The following LRMDA variants were observed in gnomAD, a reference collection of about 807,000 sequenced individuals.
LRMDA encodes the protein leucine rich melanocyte differentiation associated.
In LRMDA, 18 loss-of-function variants were observed where a neutral mutation model predicts 29.8. The ratio of observed to expected loss-of-function variants is 0.60; its 90% CI spans 0.42 to 0.90. LRMDA has a LOEUF of 0.90. LRMDA is among the 40% of genes least tolerant of loss of function. LRMDA has a pLI of 0.00. For synonymous variants in LRMDA, 125 were observed against 109.4 expected (o/e 1.14, Z -0.89); for missense variants, 273 against 273.9 (o/e 1.00, Z 0.02).
At chr10:76,403,696 A>G (rs544749711) in intron 6 of LRMDA, among the ~76,000 whole-genome samples, 1 of 152,256 alleles carries the variant, frequency 6.6e-6, no homozygotes, top group South Asian at 2.1e-4. Context: ...CTGTCAGCCA[A>G]GTAATTAAAG....
intron 2 of LRMDA, among the ~76,000 whole-genome samples, chr10:75,695,442 A>T (rs945618089): frequency 6.6e-6 from 1 of 151,582 alleles, no homozygotes; most frequent in African/African-American, 2.4e-5. Context: ...TTGCTTCTGC[A>T]TTTCTGTTGC....
intron 2 of LRMDA, among the ~76,000 whole-genome samples, chr10:75,534,884 A>G (rs780408278): frequency 1.3e-5 from 2 of 152,164 alleles, no homozygotes; most frequent in Non-Finnish European, 2.9e-5. Context: ...GGTCAGATTC[A>G]GGGGAAAGTC....
chr10:76,320,849 A>G (rs1840762349), intron 5 of LRMDA, among the ~76,000 whole-genome samples: 1 of 152,218 alleles, frequency 6.6e-6, no homozygotes, highest in Non-Finnish European at 1.5e-5. Context: ...AAACATTTTC[A>G]TGAATTTAGT....
chr10:75,750,753 C>A (rs1336207071), intron 2 of LRMDA, among the ~76,000 whole-genome samples: 2 of 127,152 alleles, frequency 1.6e-5, no homozygotes, highest in Non-Finnish European at 3.3e-5. Context: ...ACATCCCAGA[C>A]GATGGGCGGC....
At chr10:75,686,794 C>T (rs1016021151) in intron 2 of LRMDA, among the ~76,000 whole-genome samples, 26 of 152,162 alleles carry the variant, frequency 1.7e-4, no homozygotes, top group African/African-American at 5.3e-4. Context: ...GAAGGTTTGT[C>T]GCAACCCTGT....
At chr10:75,484,679 T>C (rs1026137814) in intron 2 of LRMDA, among the ~76,000 whole-genome samples, 2 of 152,180 alleles carry the variant, frequency 1.3e-5, no homozygotes, top group African/African-American at 4.8e-5. Context: ...CTTAATCCAA[T>C]AGGACTAGTG....
intron 2 of LRMDA, among the ~76,000 whole-genome samples, chr10:76,013,192 T>A (rs1320519692): frequency 6.6e-6 from 1 of 152,082 alleles, no homozygotes; most frequent in Non-Finnish European, 1.5e-5. Flanking sequence ...AGGGGGGTGG[T>A]AATGGGACCC....
chr10:76,088,678 A>C (rs1468856259), intron 5 of LRMDA, among the ~76,000 whole-genome samples: 1 of 152,184 alleles, frequency 6.6e-6, no homozygotes, highest in Non-Finnish European at 1.5e-5. Flanking sequence ...GGGTTTACTT[A>C]AACCTTTTTG....
chr10:76,227,025 A>G (rs527711235), intron 5 of LRMDA, among the ~76,000 whole-genome samples: 6 of 152,360 alleles, frequency 3.9e-5, no homozygotes, highest in African/African-American at 1.4e-4. Flanking sequence ...AGAAAAAAAT[A>G]TTATGGAAAG....
At chr10:76,176,207 CA>C (rs1344301852) in intron 5 of LRMDA, among the ~76,000 whole-genome samples, 1 of 152,192 alleles carries the variant, frequency 6.6e-6, no homozygotes, top group African/African-American at 2.4e-5. Context: ...AGGCAGCTCA[CA>C]TGACACTTTT....
intron 2 of LRMDA, among the ~76,000 whole-genome samples, chr10:75,996,313 A>C (rs879375563): frequency 6.6e-6 from 1 of 152,224 alleles, no homozygotes; most frequent in African/African-American, 2.4e-5. Context: ...ATCTAGGTTC[A>C]TGGGGAGTTT....
chr10:76,208,144 G>A (rs528840196), intron 5 of LRMDA, among the ~76,000 whole-genome samples: 21 of 152,048 alleles, frequency 1.4e-4, no homozygotes, highest in African/African-American at 3.9e-4. Context: ...ATAAACCAAC[G>A]AACTATGGGT....
chr10:76,047,215 C>A lies in LRMDA; in HGVS notation c.310C>A (p.Leu104Met), dbSNP rs768692675. The stretch of plus-strand genomic sequence containing the variant: ...TCACTTGGCAGAAGTGACACCAGCT[C>A]TGGAGTACCTCAGTCTGCTGGGCAA... ...LDHLAEVTPA[L>M]EYLSLLGNVA... The change falls in exon 4 of 7, where the codon CTG becomes ATG. Residue 104 changes from leucine to methionine, a missense_variant. Physicochemically the swap from Leu to Met is conservative, Grantham distance 15. Transcript: ENST00000611255. 4.3e-6 allele frequency: 7 copies of A among 1,614,064 alleles called. No homozygotes were observed. The highest frequency in any genetic ancestry group is 5.9e-6 in the Non-Finnish European group (7 of 1,179,990).
At chr10:76,202,775 G>A (rs568522448) in intron 5 of LRMDA, among the ~76,000 whole-genome samples, 8 of 151,796 alleles carry the variant, frequency 5.3e-5, no homozygotes, top group East Asian at 3.9e-4. Flanking sequence ...AGGAAGGAGC[G>A]GACACTAGAT....
At chr10:76,332,432 TG>T (rs1233764982) in intron 6 of LRMDA, among the ~76,000 whole-genome samples, 1 of 152,194 alleles carries the variant, frequency 6.6e-6, no homozygotes, top group Non-Finnish European at 1.5e-5. Context: ...GTGGTATACT[TG>T]TAGACAGAGA....
intron 5 of LRMDA, among the ~76,000 whole-genome samples, chr10:76,071,813 T>G (rs547549538): frequency 6.6e-6 from 1 of 152,240 alleles, no homozygotes; most frequent in Non-Finnish European, 1.5e-5. Flanking sequence ...GTTCAGATCT[T>G]GGGAAGCCTC....
At chr10:75,634,781 GA>G (rs1433166442) in intron 2 of LRMDA, among the ~76,000 whole-genome samples, 3 of 152,162 alleles carry the variant, frequency 2.0e-5, no homozygotes, top group African/African-American at 7.2e-5. Context: ...TTAAAATATA[GA>G]AAAATTCATA....
chr10:75,484,460 G>A (rs1589156771), intron 2 of LRMDA, among the ~76,000 whole-genome samples: 1 of 152,134 alleles, frequency 6.6e-6, no homozygotes, highest in Non-Finnish European at 1.5e-5. Flanking sequence ...AAAATTTTAA[G>A]ATTTTTGCAT....
At chr10:75,468,066 A>T (rs1415416296) in intron 2 of LRMDA, among the ~76,000 whole-genome samples, 1 of 151,990 alleles carries the variant, frequency 6.6e-6, no homozygotes, top group Non-Finnish European at 1.5e-5. Flanking sequence ...ATAATCTCCA[A>T]GGATTATCTG....
Sources: allele counts gnomAD v4.1 joint callset (sites outside exome capture counted in the v4.1 genomes callset), GRCh38; gene constraint gnomAD v4.1.1; transcripts MANE v1.5; gene names NCBI Gene and HGNC (gene_info 2026-07-23, HGNC 2026-07-21).